Variants in TEX2 observed in about 807,000 individuals in gnomAD.
The protein encoded by TEX2 is testis expressed 2.
TEX2 carries 53 observed loss-of-function variants against 106.9 expected under a neutral mutation model. The observed-to-expected ratio is 0.50, with a 90% CI of 0.40 to 0.62. The LOEUF (loss-of-function observed/expected upper bound fraction) is 0.62. Ranked by LOEUF, TEX2 falls within the 20% of genes least tolerant of loss-of-function variation. TEX2 has a pLI of 0.00. For missense variants in TEX2, 1,207 were observed against 1,379.0 expected (o/e 0.88, Z 1.98); for synonymous variants, 523 against 534.8 (o/e 0.98, Z 0.30).
chr17:64,239,005 C>T (rs898714859), intron 1 of TEX2, among the ~76,000 whole-genome samples: 1 of 152,210 alleles, frequency 6.6e-6, no homozygotes, highest in African/African-American at 2.4e-5. Flanking sequence ...CAAGACACCC[C>T]TCATTTAATC....
At chr17:64,172,328 G>A (rs541942650) in intron 6 of TEX2, among the ~76,000 whole-genome samples, 1 of 150,414 alleles carries the variant, frequency 6.6e-6, no homozygotes, top group East Asian at 2.0e-4. Context: ...ACTCCAGCCT[G>A]GGTGACAGAG....
intron 1 of TEX2, among the ~76,000 whole-genome samples, chr17:64,241,013 GA>G (rs2033877933): frequency 6.6e-6 from 1 of 152,222 alleles, no homozygotes. Context: ...ATGACATTCA[GA>G]AGAAAAATAG....
chr17:64,187,508 A>G (rs1598155939), intron 5 of TEX2, among the ~76,000 whole-genome samples: 1 of 152,150 alleles, frequency 6.6e-6, no homozygotes, highest in East Asian at 1.9e-4. Context: ...TCACTATGAC[A>G]GTCACCTCCC....
At chr17:64,157,223 C>T (rs1200180151) in intron 8 of TEX2, among the ~76,000 whole-genome samples, 1 of 152,166 alleles carries the variant, frequency 6.6e-6, no homozygotes, top group Non-Finnish European at 1.5e-5. Flanking sequence ...TTGTAGAAGA[C>T]GTGCTGGAAT....
At chr17:64,240,703 G>A (rs1276451508) in intron 1 of TEX2, among the ~76,000 whole-genome samples, 2 of 152,170 alleles carry the variant, frequency 1.3e-5, no homozygotes, top group Non-Finnish European at 2.9e-5. Context: ...TCCTTGGATG[G>A]CTAGTCCCTC....
intron 2 of TEX2, among the ~76,000 whole-genome samples, chr17:64,202,125 T>C (rs1242983845): frequency 6.6e-6 from 1 of 151,964 alleles, no homozygotes; most frequent in Non-Finnish European, 1.5e-5. Flanking sequence ...AACAAGAAAA[T>C]AACCCCAGAA....
At chr17:64,237,793 G>C (rs1327948661) in intron 1 of TEX2, among the ~76,000 whole-genome samples, 1 of 152,120 alleles carries the variant, frequency 6.6e-6, no homozygotes, top group Admixed American at 6.6e-5. Context: ...TTTATTCTGA[G>C]ATACTTGGTG....
rs553549062 is a variant in TEX2 at position 64,250,727 on chromosome 17, G to A, written c.-26+12441C>T. ...GACAGGGTCTCGCTCTGTTGCCTGG[G>A]CTAGAGTGCAGTGGCACCATCTTGG... On this transcript the variant is annotated intron_variant, in intron 1 of 11. Transcript: ENST00000584379. Among the ~76,000 whole-genome samples, 11 of 152,206 alleles carry A rather than the reference G, an allele frequency of 7.2e-5. No homozygotes were observed. In the East Asian group the frequency reaches 2.1e-3, roughly 29 times the overall value.
intron 8 of TEX2, chr17:64,155,676 T>G (rs1358992783): frequency 6.6e-6 from 1 of 152,180 alleles, no homozygotes; most frequent in East Asian, 1.9e-4. Context: ...ACCATTCCTT[T>G]GACTGAAGTA....
At chr17:64,262,165 C>A (rs2034298839) in intron 1 of TEX2, among the ~76,000 whole-genome samples, 1 of 152,222 alleles carries the variant, frequency 6.6e-6, no homozygotes. Flanking sequence ...GCACTTCAAA[C>A]GTGAACGTGG....
chr17:64,201,871 C>T (rs1295750412), intron 2 of TEX2, among the ~76,000 whole-genome samples: 3 of 152,222 alleles, frequency 2.0e-5, no homozygotes, highest in South Asian at 2.1e-4. Context: ...TGACTGAATA[C>T]ATGAGGGAAG....
chr17:64,253,529 G>A (rs2034131730), intron 1 of TEX2, among the ~76,000 whole-genome samples: 1 of 152,014 alleles, frequency 6.6e-6, no homozygotes, highest in Non-Finnish European at 1.5e-5. Context: ...AAGGAGTAGA[G>A]GTAGATGAGG....
chr17:64,251,179 G>A (rs2034083794), intron 1 of TEX2, among the ~76,000 whole-genome samples: 2 of 152,154 alleles, frequency 1.3e-5, no homozygotes, highest in Admixed American at 1.3e-4. Flanking sequence ...AGCACATGGG[G>A]AATGAGCTGT....
intron 3 of TEX2, among the ~76,000 whole-genome samples, chr17:64,194,557 T>G (rs2032403520): frequency 6.6e-6 from 1 of 152,230 alleles, no homozygotes; most frequent in Admixed American, 6.5e-5. Context: ...CACAGCTTTT[T>G]GTTTGACTGA....
At position 64,205,761 on chromosome 17, in the gene TEX2, GA is replaced by G. The variant is rs1295821231; in HGVS notation, c.1644+6812del. On this transcript the variant is annotated intron_variant, in intron 2 of 11. Transcript: ENST00000584379. The surrounding 1 kb of genome is among the most constrained non-coding windows in gnomAD (Gnocchi z 4.0). ...ATATCTACATGTGACACAATCTAAA[GA>G]AAAAAAAGTTCTCCAAAATCCATTT... Among the ~76,000 whole-genome samples the G allele has an allele frequency of 2.0e-5, 3 of 151,400 alleles. No homozygotes were observed. The highest frequency in any genetic ancestry group is 4.4e-5 in the Non-Finnish European group (3 of 67,842).
intron 5 of TEX2, 110 bp downstream of exon 5, chr17:64,188,058 G>A (rs1267910592): frequency 7.7e-7 from 1 of 1,293,838 alleles, no homozygotes; most frequent in East Asian, 2.3e-5. Flanking sequence ...TCTCTGTCTT[G>A]TGTACCACTG....
intron 7 of TEX2, among the ~76,000 whole-genome samples, chr17:64,167,545 G>A (rs566081296): frequency 1.2e-4 from 18 of 152,264 alleles, no homozygotes; most frequent in South Asian, 1.0e-3. Context: ...TGAGCTGGGC[G>A]CAGTGGCTCA....
In TEX2 at chr17:64,233,208, C is replaced by T. The variant is rs529215372; in HGVS notation, c.-25-18966G>A. ...CCAAACACACACACATACCCTGCCC[C>T]GGGGCCCACCCTGGAACTGAGATTC... On this transcript the variant is annotated intron_variant, in intron 1 of 11. Coordinates refer to ENST00000584379, the MANE Select transcript of TEX2 (RefSeq NM_001288732.2). Among the ~76,000 whole-genome samples the T allele has an allele frequency of 3.3e-4, 50 of 152,266 alleles. 1 individual carries two copies. The highest frequency in any genetic ancestry group is 1.1e-3 in the African/African-American group (47 of 41,536).
rs201080150 is a variant in TEX2, at chr17:64,255,373, AT to A, written c.-26+7794del. Among the ~76,000 whole-genome samples, 537 of 152,200 alleles carry A rather than the reference AT, an allele frequency of 3.5e-3. 10 individuals are homozygous for A. Among genetic ancestry groups the A allele is most frequent in the Admixed American group, 0.022 (333 of 15,280 alleles). ...CCCTATAATTATGCAGTGTGCAGGCATTTTTTTCTCTAGAATATCTACCAAA... is the reference window on the plus strand; with the variant it reads ...CCCTATAATTATGCAGTGTGCAGGCATTTTTTCTCTAGAATATCTACCAAA... On this transcript the variant is annotated intron_variant, in intron 1 of 11. Coordinates refer to ENST00000584379, the MANE Select transcript of TEX2 (RefSeq NM_001288732.2).
Sources: allele counts gnomAD v4.1 joint callset (sites outside exome capture counted in the v4.1 genomes callset), GRCh38; gene constraint gnomAD v4.1.1; non-coding constraint Gnocchi (gnomAD v3.1); transcripts MANE v1.5; gene names NCBI Gene and HGNC (gene_info 2026-07-23, HGNC 2026-07-21).